Variants in NOL4 observed in about 807,000 individuals in gnomAD.
NOL4 encodes nucleolar protein 4.
NOL4 carries 17 observed loss-of-function variants against 75.9 expected under a neutral mutation model. The ratio of observed to expected loss-of-function variants is 0.22; its 90% CI spans 0.15 to 0.34. The LOEUF (loss-of-function observed/expected upper bound fraction) is 0.34. Among genes scored for constraint, NOL4 ranks in the 10% least tolerant of loss-of-function variants. The pLI is 1.00. For missense variants in NOL4, 614 were observed against 793.5 expected, an observed-to-expected ratio of 0.77 and a Z score of 2.72; for synonymous variants, 292 against 289.9, an observed-to-expected ratio of 1.01 and a Z score of -0.07.
At chr18:34,123,013 T>C (rs1317822362) in intron 2 of NOL4, among the ~76,000 whole-genome samples, 1 of 152,062 alleles carries the variant, frequency 6.6e-6, no homozygotes, top group Non-Finnish European at 1.5e-5. Flanking sequence ...AGGTAAATTA[T>C]ATTTCAAAGA....
chr18:34,069,477 A>G (rs78124015), intron 5 of NOL4, among the ~76,000 whole-genome samples: 3,924 of 152,326 alleles, frequency 0.026, 78 homozygotes, highest in Non-Finnish European at 0.035. Flanking sequence ...TAAGACGGAT[A>G]ATTTCTAGAA....
chr18:34,040,104 T>C (rs924732563), intron 5 of NOL4, among the ~76,000 whole-genome samples: 27 of 151,974 alleles, frequency 1.8e-4, no homozygotes, highest in Admixed American at 3.9e-4. Flanking sequence ...GCAATCACAT[T>C]GTAAGTTGAG....
intron 4 of NOL4, among the ~76,000 whole-genome samples, chr18:34,099,229 G>A (rs2078926407): frequency 6.6e-6 from 1 of 151,424 alleles, no homozygotes; most frequent in South Asian, 2.1e-4. Flanking sequence ...CTGGCATAGT[G>A]GCGGGCACCT....
intron 1 of NOL4, among the ~76,000 whole-genome samples, chr18:34,150,069 C>G (rs763456172): frequency 2.0e-5 from 3 of 151,560 alleles, no homozygotes; most frequent in Non-Finnish European, 4.4e-5. Context: ...TTGGTTTTCT[C>G]ATCTAAAATA....
Position 33,987,923 on chromosome 18 carries a change from G to A in NOL4, c.1057-29505C>T, listed in dbSNP as rs141103908. On this transcript the variant is annotated intron_variant, in intron 6 of 10. Coordinates refer to ENST00000261592, the MANE Select transcript of NOL4 (RefSeq NM_003787.5). ...GCTTTTATCAGCGGAGCTTGGTGAA[G>A]TGAAAGCACCCTCCCCACTCCACAT... 2.0e-5 allele frequency among the ~76,000 whole-genome samples: 3 copies of A among 152,152 alleles called. No individual in the cohort carries two copies. In the East Asian group the frequency reaches 5.8e-4, roughly 30 times the overall value.
At chr18:34,088,228 TAA>T (rs1477796824) in intron 5 of NOL4, among the ~76,000 whole-genome samples, 1 of 152,114 alleles carries the variant, frequency 6.6e-6, no homozygotes, top group African/African-American at 2.4e-5. Context: ...ACTGAAACTT[TAA>T]GTCTGTTTCT....
intron 10 of NOL4, among the ~76,000 whole-genome samples, chr18:33,865,185 T>C (rs1426042756): frequency 6.6e-6 from 1 of 152,116 alleles, no homozygotes; most frequent in African/African-American, 2.4e-5. Flanking sequence ...GTTACAGTGG[T>C]TCCTCAGTAT....
At chr18:34,206,657 G>A (rs1426598406) in intron 1 of NOL4, among the ~76,000 whole-genome samples, 1 of 152,084 alleles carries the variant, frequency 6.6e-6, no homozygotes, top group Non-Finnish European at 1.5e-5. Context: ...CTTCTTTCAA[G>A]ATGGTTTTCT....
intron 1 of NOL4, among the ~76,000 whole-genome samples, chr18:34,163,429 C>T (rs1369436632): frequency 6.6e-6 from 1 of 151,780 alleles, no homozygotes; most frequent in Non-Finnish European, 1.5e-5. Context: ...AAATCACAAG[C>T]ATTCTTATAC....
At chr18:34,182,307 T>C (rs1317292595) in intron 1 of NOL4, among the ~76,000 whole-genome samples, 1 of 151,584 alleles carries the variant, frequency 6.6e-6, no homozygotes, top group Non-Finnish European at 1.5e-5. Context: ...GATAGGAAGT[T>C]CCCATACTGT....
In NOL4 at chr18:33,934,844, T is replaced by G. The variant is rs143919202; in HGVS notation, c.1542+8221A>C. On this transcript the variant is annotated intron_variant, in intron 9 of 10. Coordinates refer to ENST00000261592, the MANE Select transcript of NOL4 (RefSeq NM_003787.5). ...CCGTTTTGCTTTTTTATCATTCTTG[T>G]GTTCACTGGAGTAGCACGTTTTTTT... 6.3e-4 allele frequency among the ~76,000 whole-genome samples: 95 copies of G among 151,238 alleles called. 1 individual carries two copies. In the East Asian group the frequency reaches 0.014, roughly 22 times the overall value.
chr18:33,885,175 CCT>C (rs1166616826), intron 9 of NOL4, among the ~76,000 whole-genome samples: 2 of 151,962 alleles, frequency 1.3e-5, no homozygotes, highest in Non-Finnish European at 2.9e-5. Context: ...AAAAATCATT[CCT>C]CTGAGATATA....
chr18:34,152,444 T>C (rs2146097027), intron 1 of NOL4, among the ~76,000 whole-genome samples: 1 of 151,986 alleles, frequency 6.6e-6, no homozygotes, highest in African/African-American at 2.4e-5. Flanking sequence ...GGGAAAACAA[T>C]GGAGGAAAAT....
At chr18:34,025,593 T>C (rs1000477086) in intron 5 of NOL4, among the ~76,000 whole-genome samples, 12 of 152,218 alleles carry the variant, frequency 7.9e-5, no homozygotes, top group Admixed American at 2.6e-4. Context: ...ACTGGCTCTA[T>C]GTATGTCATT....
At chr18:33,942,412 A>T (rs1438255317) in intron 9 of NOL4, among the ~76,000 whole-genome samples, 1 of 151,944 alleles carries the variant, frequency 6.6e-6, no homozygotes, top group Non-Finnish European at 1.5e-5. Context: ...ATATACAGAT[A>T]ACCCAAGGGA....
chr18:33,940,885 A>G (rs936197290), intron 9 of NOL4, among the ~76,000 whole-genome samples: 26 of 151,774 alleles, frequency 1.7e-4, no homozygotes, highest in African/African-American at 6.0e-4. Flanking sequence ...TCTAGTCCCT[A>G]CTCCTGGTGC....
chr18:34,213,921 C>T (rs2060786185), intron 1 of NOL4, among the ~76,000 whole-genome samples: 1 of 152,154 alleles, frequency 6.6e-6, no homozygotes, highest in Non-Finnish European at 1.5e-5. Context: ...TTGAAACATT[C>T]ATTTTACTTT....
chr18:34,122,041 G>A (rs554013817), intron 2 of NOL4, among the ~76,000 whole-genome samples: 1 of 152,198 alleles, frequency 6.6e-6, no homozygotes, highest in African/African-American at 2.4e-5. Context: ...ATTATCTATT[G>A]ATAAGAAAAA....
intron 5 of NOL4, 100 bp downstream of exon 5, chr18:34,093,365 A>G (rs1375872139): frequency 8.1e-7 from 1 of 1,231,008 alleles, no homozygotes; most frequent in African/African-American, 1.5e-5. Context: ...GTAGATTTTT[A>G]AAAATTGACA....
Sources: gnomAD v4.1 joint callset for allele counts (sites outside exome capture counted in the v4.1 genomes callset) on GRCh38, gnomAD v4.1.1 for gene constraint, MANE v1.5 for transcripts, NCBI Gene and HGNC (gene_info 2026-07-23, HGNC 2026-07-21) for gene names.